STK39: variants seen among roughly 807,000 people sequenced by gnomAD.
STK39 encodes the protein serine/threonine kinase 39.
In STK39, 20 loss-of-function variants were observed where a neutral mutation model predicts 77.8. The observed-to-expected ratio is 0.26, with a 90% CI of 0.18 to 0.37. STK39 has a LOEUF of 0.37. STK39 is among the 10% of genes least tolerant of loss of function. The pLI is 1.00. For missense variants in STK39, 479 were observed against 656.5 expected (o/e 0.73, Z 2.95); for synonymous variants, 246 against 234.1 (o/e 1.05, Z -0.47).
At chr2:168,042,577 C>CTTTTTTT (rs540413448) in intron 14 of STK39, among the ~76,000 whole-genome samples, 8 of 133,046 alleles carry the variant, frequency 6.0e-5, no homozygotes, top group Non-Finnish European at 6.4e-5. Flanking sequence ...TTCCTTCCTT[C>CTTTTTTT]TTTTTTTTTT....
intron 16 of STK39, among the ~76,000 whole-genome samples, chr2:168,005,532 G>T (rs187760233): frequency 1.3e-5 from 2 of 152,084 alleles, no homozygotes; most frequent in East Asian, 1.9e-4. Context: ...TTTGCATATG[G>T]TATACAATGT....
chr2:168,039,389 G>A (rs1452282388), intron 14 of STK39, among the ~76,000 whole-genome samples: 1 of 77,394 alleles, frequency 1.3e-5, no homozygotes, highest in Non-Finnish European at 3.4e-5. Flanking sequence ...TCAGGAGATC[G>A]AGACCATCCT....
At chr2:168,068,665 T>C (rs1232432084) in intron 12 of STK39, among the ~76,000 whole-genome samples, 1 of 152,234 alleles carries the variant, frequency 6.6e-6, no homozygotes, top group African/African-American at 2.4e-5. Flanking sequence ...TTTTCAGATA[T>C]ATTGCAGATT....
intron 8 of STK39, among the ~76,000 whole-genome samples, chr2:168,130,068 C>T (rs907900314): frequency 4.6e-5 from 7 of 152,176 alleles, no homozygotes; most frequent in African/African-American, 1.7e-4. Flanking sequence ...CAGACTGACA[C>T]ATCTGTGAGC....
At chr2:168,016,267 A>C (rs1462919340) in intron 15 of STK39, among the ~76,000 whole-genome samples, 1 of 151,990 alleles carries the variant, frequency 6.6e-6, no homozygotes, top group Non-Finnish European at 1.5e-5. Context: ...ATTTTAGTTT[A>C]ATTCAAATAT....
chr2:168,200,096 C>T (rs191448853), intron 1 of STK39, among the ~76,000 whole-genome samples: 2 of 152,262 alleles, frequency 1.3e-5, no homozygotes, highest in East Asian at 1.9e-4. Flanking sequence ...AATAATGTTC[C>T]GTTTTCCATT....
At chr2:167,970,976 T>C (rs939837793) in intron 16 of STK39, among the ~76,000 whole-genome samples, 105 of 152,368 alleles carry the variant, frequency 6.9e-4, no homozygotes, top group African/African-American at 2.5e-3. Flanking sequence ...TGTGAATCAT[T>C]CATTGCTCAA....
intron 14 of STK39, among the ~76,000 whole-genome samples, chr2:168,022,347 G>T (rs987950757): frequency 2.1e-4 from 32 of 152,136 alleles, no homozygotes; most frequent in African/African-American, 6.5e-4. Context: ...CATTTAAGTT[G>T]CACCCATTTA....
At chr2:168,244,959 A>C (rs1471782745) in intron 1 of STK39, among the ~76,000 whole-genome samples, 1 of 152,188 alleles carries the variant, frequency 6.6e-6, no homozygotes, top group African/African-American at 2.4e-5. Flanking sequence ...AATCCCACTC[A>C]ACTTAAACTA....
intron 3 of STK39, 143 bp downstream of exon 3, chr2:168,167,156 C>T (rs966563315): frequency 2.4e-5 from 16 of 680,388 alleles, no homozygotes; most frequent in Middle Eastern, 2.9e-4. Flanking sequence ...GCAATCTGGA[C>T]GTTATCCTCT....
intron 12 of STK39, among the ~76,000 whole-genome samples, chr2:168,074,736 T>C (rs549249362): frequency 6.6e-6 from 1 of 152,296 alleles, no homozygotes; most frequent in Admixed American, 6.5e-5. Context: ...ATGGCGACTT[T>C]CTTATAAGTA....
chr2:168,107,912 TA>T (rs1687021166), intron 10 of STK39, among the ~76,000 whole-genome samples: 1 of 152,214 alleles, frequency 6.6e-6, no homozygotes, highest in South Asian at 2.1e-4. Flanking sequence ...TTCGCATCAC[TA>T]ATGGCATTTA....
chr2:168,078,497 A>C (rs1686139966), intron 10 of STK39, among the ~76,000 whole-genome samples: 1 of 152,146 alleles, frequency 6.6e-6, no homozygotes, highest in Non-Finnish European at 1.5e-5. Flanking sequence ...CTGTCTGCAA[A>C]TCTGCAAATA....
intron 14 of STK39, among the ~76,000 whole-genome samples, chr2:168,048,450 G>A (rs1462620907): frequency 6.6e-6 from 1 of 152,010 alleles, no homozygotes; most frequent in Non-Finnish European, 1.5e-5. Flanking sequence ...CTGACCTCGT[G>A]ATCCGCCGGC....
At chr2:167,988,266 G>A (rs1388787145) in intron 16 of STK39, among the ~76,000 whole-genome samples, 1 of 152,148 alleles carries the variant, frequency 6.6e-6, no homozygotes, top group Non-Finnish European at 1.5e-5. Context: ...CCAGTGTGAC[G>A]TCTATCTCAT....
intron 1 of STK39, among the ~76,000 whole-genome samples, chr2:168,235,060 C>CA (rs1690563338): frequency 1.4e-5 from 2 of 139,732 alleles, no homozygotes; most frequent in Admixed American, 1.5e-4. Flanking sequence ...TTTTTTGAAA[C>CA]AGAGTCTCAC....
chr2:168,160,803 A>T (rs1394941030), intron 5 of STK39, among the ~76,000 whole-genome samples: 1 of 152,054 alleles, frequency 6.6e-6, no homozygotes, highest in African/African-American at 2.4e-5. Flanking sequence ...GTTTAACTGA[A>T]GTACTTTTTC....
intron 2 of STK39, among the ~76,000 whole-genome samples, chr2:168,169,625 A>G (rs1195636967): frequency 8.8e-6 from 1 of 113,422 alleles, no homozygotes; most frequent in Non-Finnish European, 1.6e-5. Context: ...CTGACTTTGC[A>G]GTGAGCGTGT....
intron 2 of STK39, among the ~76,000 whole-genome samples, chr2:168,178,417 T>C (rs1156311178): frequency 6.6e-6 from 1 of 152,224 alleles, no homozygotes; most frequent in Non-Finnish European, 1.5e-5. Context: ...ATTCATATCA[T>C]ACCAAGAAAA....
Sources: gnomAD v4.1 joint callset for allele counts (sites outside exome capture counted in the v4.1 genomes callset) on GRCh38, gnomAD v4.1.1 for gene constraint, MANE v1.5 for transcripts, NCBI Gene and HGNC (gene_info 2026-07-23, HGNC 2026-07-21) for gene names.